The following TTC23 variants were observed in gnomAD, a reference collection of about 807,000 sequenced individuals.
The protein encoded by TTC23 is tetratricopeptide repeat domain 23, also known as tetratricopeptide repeat protein 23.
A neutral mutation model predicts 55.1 loss-of-function variants in TTC23; 58 were observed. The ratio of observed to expected loss-of-function variants is 1.05; its 90% confidence interval spans 0.85 to 1.31. The LOEUF (loss-of-function observed/expected upper bound fraction) is 1.31. Ranked by LOEUF, TTC23 falls within the 50% of genes most tolerant of loss-of-function variation. The pLI, the probability that TTC23 is intolerant of heterozygous loss-of-function variation, is 0.00. For missense variants in TTC23, 516 were observed against 534.4 expected, an observed-to-expected ratio of 0.97 and a Z score of 0.34; for synonymous variants, 203 against 199.9, an observed-to-expected ratio of 1.02 and a Z score of -0.13.
intron 8 of TTC23, among the ~76,000 whole-genome samples, 192 bp from the exon 9 acceptor site, chr15:99,200,288 G>C (rs1259252810): frequency 6.6e-6 from 1 of 152,130 alleles, no homozygotes; most frequent in Non-Finnish European, 1.5e-5. Flanking sequence ...TCACCAGGAA[G>C]GTTCAAGTCC....
chr15:99,221,062 C>T (rs890441684), intron 6 of TTC23, among the ~76,000 whole-genome samples: 2 of 152,130 alleles, frequency 1.3e-5, no homozygotes, highest in Non-Finnish European at 2.9e-5. Context: ...CAATTAGAAC[C>T]CTTCCCAAAT....
rs549188009 is a variant in TTC23, at chr15:99,181,199, G to T, written c.760-6044C>A. 3.9e-5 allele frequency among the ~76,000 whole-genome samples: 6 copies of T among 152,306 alleles called. No individual in the cohort carries two copies. The South Asian group carries it at 1.0e-3, about 26-fold the overall frequency. On this transcript the variant is annotated intron_variant, in intron 9 of 13. Transcript: ENST00000394132. ...GCATACTTTTCCAGTCTAACACTTGGTTATTGAGAGGGTAGAAGTTACAGA... is the reference window on the plus strand; with the variant it reads ...GCATACTTTTCCAGTCTAACACTTGTTTATTGAGAGGGTAGAAGTTACAGA...
At chr15:99,154,439 G>T (rs2070269297) in intron 12 of TTC23, among the ~76,000 whole-genome samples, 1 of 152,126 alleles carries the variant, frequency 6.6e-6, no homozygotes, top group Non-Finnish European at 1.5e-5. Context: ...CTGCCCTCAT[G>T]CATAGATTAA....
At chr15:99,175,003 T>C (rs1596407506) in intron 10 of TTC23, 47 bp downstream of exon 10, 3 of 1,570,640 alleles carry the variant, frequency 1.9e-6, no homozygotes, top group African/African-American at 1.3e-5. Flanking sequence ...AGCTCGTTTA[T>C]AGACCCAGAT....
chr15:99,150,344 A>G (rs1555496223), intron 12 of TTC23, among the ~76,000 whole-genome samples: 1 of 152,058 alleles, frequency 6.6e-6, no homozygotes, highest in African/African-American at 2.4e-5. Flanking sequence ...ACAACTCTAG[A>G]CCCGTTGTGC....
chr15:99,142,601 A>G (rs1274424429), intron 12 of TTC23, among the ~76,000 whole-genome samples: 1 of 152,192 alleles, frequency 6.6e-6, no homozygotes, highest in Non-Finnish European at 1.5e-5. Flanking sequence ...TGCCTTCAAA[A>G]TCTAATACTC....
At chr15:99,183,415 G>A (rs1421060678) in intron 9 of TTC23, among the ~76,000 whole-genome samples, 2 of 150,956 alleles carry the variant, frequency 1.3e-5, no homozygotes, top group Non-Finnish European at 2.9e-5. Flanking sequence ...TCCGCCTCCT[G>A]GGTTCAAGCG....
intron 6 of TTC23, among the ~76,000 whole-genome samples, chr15:99,219,514 A>G (rs559692408): frequency 4.3e-4 from 66 of 152,314 alleles, no homozygotes; most frequent in African/African-American, 1.3e-3. Flanking sequence ...TTTTTTTAAC[A>G]TAATACATAT....
At chr15:99,149,330 C>A (rs934938591) in intron 12 of TTC23, among the ~76,000 whole-genome samples, 1 of 152,222 alleles carries the variant, frequency 6.6e-6, no homozygotes, top group African/African-American at 2.4e-5. Flanking sequence ...TGGAGCCTGG[C>A]AAACAGGTGT....
chr15:99,176,260 G>A (rs1416616954), intron 9 of TTC23, among the ~76,000 whole-genome samples: 1 of 152,186 alleles, frequency 6.6e-6, no homozygotes, highest in East Asian at 1.9e-4. Context: ...ATACACTAAT[G>A]TGAGTCAGTA....
At chr15:99,202,658 C>G (rs1264483015) in intron 8 of TTC23, among the ~76,000 whole-genome samples, 3 of 152,162 alleles carry the variant, frequency 2.0e-5, no homozygotes, top group African/African-American at 7.2e-5. Flanking sequence ...AGCATATCAT[C>G]CCAAGTTAAC....
intron 3 of TTC23, among the ~76,000 whole-genome samples, chr15:99,238,239 A>G (rs181554720): frequency 6.6e-6 from 1 of 152,162 alleles, no homozygotes; most frequent in Admixed American, 6.5e-5. Context: ...AAAGTGCTGG[A>G]TTACAGGCAT....
At chr15:99,209,278 G>C (rs994078947) in intron 8 of TTC23, among the ~76,000 whole-genome samples, 1 of 152,226 alleles carries the variant, frequency 6.6e-6, no homozygotes, top group Admixed American at 6.5e-5. Flanking sequence ...GAAAGGCTTT[G>C]TGTGAATATC....
At chr15:99,238,359 C>A (rs78133870) in intron 3 of TTC23, among the ~76,000 whole-genome samples, 144 of 152,182 alleles carry the variant, frequency 9.5e-4, no homozygotes, top group Middle Eastern at 3.4e-3. Context: ...AAAACAATAA[C>A]CCCAAGAAAT....
At chr15:99,215,916 A>G (rs28377529) in intron 8 of TTC23, among the ~76,000 whole-genome samples, 69,817 of 151,976 alleles carry the variant, frequency 0.46, 16,123 homozygotes, top group Middle Eastern at 0.6. Flanking sequence ...TTTAAACCCA[A>G]ATAAATATTT....
intron 12 of TTC23, among the ~76,000 whole-genome samples, chr15:99,151,780 C>G (rs955242737): frequency 1.3e-5 from 2 of 152,254 alleles, no homozygotes; most frequent in African/African-American, 4.8e-5. Context: ...CTTGGAATTC[C>G]ACGATGTGAA....
intron 5 of TTC23, among the ~76,000 whole-genome samples, chr15:99,224,997 A>G (rs1229665256): frequency 6.6e-6 from 1 of 152,204 alleles, no homozygotes; most frequent in Non-Finnish European, 1.5e-5. Context: ...GAGAACAACA[A>G]CTACAGTGTA....
rs781998806 is a variant in TTC23, at chr15:99,139,396, GACACTGTAGAAC to G, written c.1144-9_1146del. 1.2e-6 allele frequency: 2 copies of G among 1,614,186 alleles called. No homozygotes were observed. The highest frequency in any genetic ancestry group is 1.7e-5 in the Admixed American group (1 of 60,026). On this transcript the variant is annotated splice_acceptor_variant and splice_polypyrimidine_tract_variant and coding_sequence_variant and intron_variant, in exon 13 of 14. Transcript: ENST00000394132. LOFTEE classifies it high-confidence loss of function. ...CCATATAAGAGGGTCTGGATCTGGAGACACTGTAGAACACCAAGCAGCTATCATGAGGCTATG... is the reference window on the plus strand; with the variant it reads ...CCATATAAGAGGGTCTGGATCTGGAGACCAAGCAGCTATCATGAGGCTATG...
intron 12 of TTC23, among the ~76,000 whole-genome samples, chr15:99,152,889 CT>C (rs1228868211): frequency 2.0e-5 from 3 of 152,128 alleles, no homozygotes; most frequent in Admixed American, 6.5e-5. Flanking sequence ...CCTCTGCCTC[CT>C]AGGTTCAAGC....
Sources: gnomAD v4.1 joint callset for allele counts (sites outside exome capture counted in the v4.1 genomes callset) on GRCh38, gnomAD v4.1.1 for gene constraint, MANE v1.5 for transcripts, NCBI Gene and HGNC (gene_info 2026-07-23, HGNC 2026-07-21) for gene names.